CTNNA2: variants seen among roughly 807,000 people sequenced by gnomAD.
CTNNA2 encodes the protein catenin alpha-2.
Under a neutral mutation model 101.0 loss-of-function variants are expected in CTNNA2, and 42 were observed. The observed-to-expected ratio is 0.42, with a 90% confidence interval of 0.32 to 0.54. The LOEUF (loss-of-function observed/expected upper bound fraction) is 0.54, where lower values mean the gene tolerates loss of function less well. Ranked by LOEUF, CTNNA2 falls within the 20% of genes least tolerant of loss-of-function variation. The pLI, the probability that CTNNA2 is intolerant of heterozygous loss-of-function variation, is 0.14. For synonymous variants in CTNNA2, 450 were observed against 456.4 expected (o/e 0.99, Z 0.18); for missense variants, 871 against 1,223.1 (o/e 0.71, Z 4.29).
intron 7 of CTNNA2, among the ~76,000 whole-genome samples, chr2:80,061,693 T>C (rs911092674): frequency 3.3e-5 from 5 of 152,234 alleles, no homozygotes; most frequent in Admixed American, 6.5e-5. Context: ...CATTACATTT[T>C]ACCAAATGGT....
intron 9 of CTNNA2, among the ~76,000 whole-genome samples, chr2:80,442,146 C>A (rs2149443348): frequency 6.6e-6 from 1 of 152,324 alleles, no homozygotes; most frequent in South Asian, 2.1e-4. Flanking sequence ...CCTTGTGATT[C>A]TCCTCCACTG....
chr2:79,227,448 T>G (rs1353725452), intron 2 of CTNNA2, among the ~76,000 whole-genome samples: 2 of 152,164 alleles, frequency 1.3e-5, no homozygotes, highest in Non-Finnish European at 2.9e-5. Flanking sequence ...TTAGTGAGAA[T>G]TGAATGAGAT....
At chr2:79,522,899 A>G (rs1238575589) in intron 1 of CTNNA2, among the ~76,000 whole-genome samples, 1 of 152,194 alleles carries the variant, frequency 6.6e-6, no homozygotes, top group Non-Finnish European at 1.5e-5. Flanking sequence ...ACTTACAGTA[A>G]TAAATGCCCA....
At chr2:79,793,093 A>C (rs1388073519) in intron 3 of CTNNA2, among the ~76,000 whole-genome samples, 1 of 152,164 alleles carries the variant, frequency 6.6e-6, no homozygotes, top group Non-Finnish European at 1.5e-5. Context: ...ATATGGGCCT[A>C]AGTGGAATAT....
chr2:79,954,256 TG>T (rs1689073623), intron 7 of CTNNA2, among the ~76,000 whole-genome samples: 1 of 152,134 alleles, frequency 6.6e-6, no homozygotes, highest in Admixed American at 6.5e-5. Context: ...CCTCAACACG[TG>T]GGGATTACAA....
intron 9 of CTNNA2, among the ~76,000 whole-genome samples, chr2:80,457,672 T>A (rs1469783208): frequency 6.6e-6 from 1 of 152,096 alleles, no homozygotes; most frequent in Non-Finnish European, 1.5e-5. Context: ...AGATTTAGAG[T>A]AAACACTATA....
chr2:80,184,220 T>G (rs1705970016), intron 7 of CTNNA2, among the ~76,000 whole-genome samples: 1 of 152,194 alleles, frequency 6.6e-6, no homozygotes, highest in Non-Finnish European at 1.5e-5. Flanking sequence ...CTCATTTGTA[T>G]TTGTACATTC....
chr2:79,712,870 T>A (rs1250620322), intron 2 of CTNNA2, among the ~76,000 whole-genome samples: 3 of 152,202 alleles, frequency 2.0e-5, no homozygotes, highest in Non-Finnish European at 4.4e-5. Context: ...ATCTAATGGA[T>A]AAATTAAGTA....
chr2:79,735,016 A>G (rs1670771728), intron 2 of CTNNA2, among the ~76,000 whole-genome samples: 1 of 152,128 alleles, frequency 6.6e-6, no homozygotes, highest in Admixed American at 6.6e-5. Context: ...AGTGTCCATT[A>G]TAATACTTCT....
intron 2 of CTNNA2, among the ~76,000 whole-genome samples, chr2:79,734,775 G>C (rs1670750595): frequency 6.6e-6 from 1 of 151,880 alleles, no homozygotes; most frequent in South Asian, 2.1e-4. Context: ...AAAAGGAAAA[G>C]GAAATCTTAA....
chr2:80,466,812 G>T (rs1478333333), intron 9 of CTNNA2, among the ~76,000 whole-genome samples: 1 of 152,052 alleles, frequency 6.6e-6, no homozygotes, highest in Non-Finnish European at 1.5e-5. Context: ...TATAAATTTG[G>T]GGTTCCCCAA....
At chr2:79,400,787 A>G (rs1678282172) in intron 4 of CTNNA2, among the ~76,000 whole-genome samples, 1 of 151,980 alleles carries the variant, frequency 6.6e-6, no homozygotes, top group Admixed American at 6.6e-5. Context: ...ATTAATCTAC[A>G]TATCCAATTA....
At chr2:80,097,573 T>C (rs925448932) in intron 7 of CTNNA2, among the ~76,000 whole-genome samples, 7 of 152,220 alleles carry the variant, frequency 4.6e-5, no homozygotes, top group Non-Finnish European at 7.3e-5. Flanking sequence ...ATTGGAGAAG[T>C]TCTCCTGGAT....
At chr2:79,900,640 C>G (rs1038954393) in intron 6 of CTNNA2, among the ~76,000 whole-genome samples, 40 of 152,040 alleles carry the variant, frequency 2.6e-4, no homozygotes, top group African/African-American at 8.7e-4. Context: ...GAATTTAATG[C>G]TTGGGAGGAA....
At chr2:80,538,173 G>A (rs1368419880) in intron 9 of CTNNA2, among the ~76,000 whole-genome samples, 1 of 151,834 alleles carries the variant, frequency 6.6e-6, no homozygotes, top group African/African-American at 2.4e-5. Flanking sequence ...TCTTTAGGTT[G>A]CCTGTTCACT....
chr2:79,486,492 G>C (rs1479600098), intron 4 of CTNNA2, among the ~76,000 whole-genome samples: 1 of 152,122 alleles, frequency 6.6e-6, no homozygotes, highest in East Asian at 1.9e-4. Context: ...CATTTGGGTT[G>C]GTTCCAAGTC....
chr2:80,232,426 A>G (rs1165671573), intron 7 of CTNNA2, among the ~76,000 whole-genome samples: 10 of 127,894 alleles, frequency 7.8e-5, no homozygotes, highest in Admixed American at 7.3e-4. Flanking sequence ...TAGAAATTGT[A>G]ACCTCTTTCC....
intron 3 of CTNNA2, among the ~76,000 whole-genome samples, chr2:79,835,482 G>C: frequency 6.6e-6 from 1 of 151,890 alleles, no homozygotes; most frequent in East Asian, 1.9e-4. Context: ...TATTCCCCTA[G>C]CTTGGCTTGT....
At chr2:80,285,108 A>G (rs1282306067) in intron 7 of CTNNA2, among the ~76,000 whole-genome samples, 1 of 152,116 alleles carries the variant, frequency 6.6e-6, no homozygotes, top group African/African-American at 2.4e-5. Flanking sequence ...ATGTCCGTCC[A>G]GCTGGTCAGC....
Sources: allele counts gnomAD v4.1 joint callset (sites outside exome capture counted in the v4.1 genomes callset), GRCh38; gene constraint gnomAD v4.1.1; transcripts MANE v1.5; gene names NCBI Gene and HGNC (gene_info 2026-07-23, HGNC 2026-07-21).